SPRED3: variants seen among roughly 807,000 people sequenced by gnomAD.
SPRED3 encodes sprouty-related, EVH1 domain-containing protein 3.
In SPRED3, 23 loss-of-function variants were observed where a neutral mutation model predicts 37.6. The ratio of observed to expected loss-of-function variants is 0.61; its 90% CI spans 0.44 to 0.87. SPRED3 has a LOEUF of 0.87. SPRED3 is among the 40% of genes least tolerant of loss of function. SPRED3 has a pLI of 0.00. For synonymous variants in SPRED3, 302 were observed against 279.6 expected (o/e 1.08, Z -0.80); for missense variants, 584 against 618.6 (o/e 0.94, Z 0.59).
At position 38,391,457 on chromosome 19, in the gene SPRED3, G is replaced by T. The variant is rs187331452; in HGVS notation, c.178-489G>T. On this transcript the variant is annotated intron_variant, in intron 2 of 5. Coordinates refer to ENST00000691638, the MANE Select transcript of SPRED3 (RefSeq NM_001394336.1). The stretch of plus-strand genomic sequence containing the variant: ...GGAAGTATTGTTGAGCCAGAGGGGG[G>T]ATGTTGGGTTATCAGAAAGGGGTTA... Among the ~76,000 whole-genome samples the T allele has an allele frequency of 3.5e-3, 528 of 152,270 alleles. 2 individuals are homozygous for T. Among genetic ancestry groups the T allele is most frequent in the Middle Eastern group, 6.8e-3 (2 of 294 alleles).
In SPRED3 at chr19:38,398,033, G is replaced by A. The variant is rs1970918722; in HGVS notation, c.*1888G>A. On this transcript the variant is annotated 3_prime_UTR_variant, in exon 6 of 6. Transcript: ENST00000691638. The stretch of plus-strand genomic sequence containing the variant: ...AGCCCAGGGTTTCGAGGAGCTGGAA[G>A]TCACACCAGTCTGCTGGCCACACTG... The A allele has an allele frequency of 6.6e-6, 1 of 152,258 alleles. No homozygotes were observed. Among genetic ancestry groups the A allele is most frequent in the African/African-American group, 2.4e-5 (1 of 41,442 alleles). 9.4% of individuals were successfully genotyped at this position (152,258 alleles called of 1,614,324 possible).
intron 4 of SPRED3, chr19:38,394,209 CA>C (rs1242956319): frequency 1.5e-5 from 19 of 1,251,304 alleles, no homozygotes; most frequent in Non-Finnish European, 1.9e-5. Flanking sequence ...GCCCCAATAA[CA>C]GTGTGGGGCT....
At position 38,396,073 on chromosome 19, in the gene SPRED3, C is replaced by A; in HGVS notation, c.1161C>A (p.Arg387=). The change falls in exon 6 of 6, where the codon CGC becomes CGA. Residue 387 remains arginine, a synonymous_variant. Transcript: ENST00000691638. ...VPCLCCYAPL[R]ACHWVAARCG... ...GCCTCTGCTGCTACGCGCCCCTGCGCGCGTGCCACTGGGTCGCAGCGCGAT... is the reference window on the plus strand; with the variant it reads ...GCCTCTGCTGCTACGCGCCCCTGCGAGCGTGCCACTGGGTCGCAGCGCGAT... The A allele has an allele frequency of 7.4e-7, 1 of 1,346,564 alleles. No homozygotes were observed. Among genetic ancestry groups the A allele is most frequent in the Non-Finnish European group, 9.5e-7 (1 of 1,054,166 alleles). 83.4% of individuals were successfully genotyped at this position (1,346,564 alleles called of 1,614,324 possible). A position where few individuals can be genotyped will look rare whatever the true frequency, so the allele number is the denominator to read the frequency against.
At chr19:38,394,597 C>G in intron 4 of SPRED3, 46 bp from the exon 5 acceptor site, 5 of 1,560,546 alleles carry the variant, frequency 3.2e-6, no homozygotes, top group Non-Finnish European at 4.3e-6. Context: ...AGGGCATCGG[C>G]TGTGCGGGGG....
At chr19:38,390,179 T>G (rs1970809641) in intron 1 of SPRED3, 120 bp from the exon 2 acceptor site, 1 of 1,016,776 alleles carries the variant, frequency 9.8e-7, no homozygotes, top group East Asian at 3.1e-5. Flanking sequence ...TAGGGTGCAG[T>G]GGACCTGGAC....
Position 38,395,090 on chromosome 19 carries a change from A to T in SPRED3, c.567+304A>T, listed in dbSNP as rs574199790. Reference sequence around the variant, plus strand: ...TGTATATTTGGGGAACTCCTGGAAGAGGACTGTTAAATTCACGGGGAGGGT... The same window carrying T: ...TGTATATTTGGGGAACTCCTGGAAGTGGACTGTTAAATTCACGGGGAGGGT... On this transcript the variant is annotated intron_variant, in intron 5 of 5. Transcript: ENST00000691638. The surrounding 1 kb of genome is among the most constrained non-coding windows in gnomAD (Gnocchi z 5.2). Among the ~76,000 whole-genome samples the T allele has an allele frequency of 1.3e-5, 2 of 152,244 alleles. No individual in the cohort carries two copies. The highest frequency in any genetic ancestry group is 1.3e-4 in the Admixed American group (2 of 15,304).
chr19:38,393,658 T>A (rs1488848764), intron 4 of SPRED3, among the ~76,000 whole-genome samples: 1 of 152,172 alleles, frequency 6.6e-6, no homozygotes, highest in Non-Finnish European at 1.5e-5. Flanking sequence ...TTACGGTCTA[T>A]CTCCCATGCT....
At position 38,390,619 on chromosome 19, in the gene SPRED3, C is replaced by T. The variant is rs180672887; in HGVS notation, c.177+140C>T. The T allele has an allele frequency of 5.2e-5, 34 of 657,900 alleles. No individual in the cohort carries two copies. The African/African-American group carries it at 6.2e-4, about 12-fold the overall frequency. The allele number at this position is 657,900 out of a possible 1,614,324, so 40.8% of individuals were successfully genotyped here. A position where few individuals can be genotyped will look rare whatever the true frequency, so the allele number is the denominator to read the frequency against. On this transcript the variant is annotated intron_variant, in intron 2 of 5. Transcript: ENST00000691638. ...TGAAGTTTGGGAGTGAATATCTGTCCTGTAGATAAGAGTTGGGAATTGCAG... is the reference window on the plus strand; with the variant it reads ...TGAAGTTTGGGAGTGAATATCTGTCTTGTAGATAAGAGTTGGGAATTGCAG...
Position 38,388,777 on chromosome 19 carries a change from C to A in SPRED3, c.-35C>A. The A allele has an allele frequency of 2.5e-6, 1 of 398,212 alleles. No individual in the cohort carries two copies. 24.7% of individuals were successfully genotyped at this position (398,212 alleles called of 1,614,324 possible). A position where few individuals can be genotyped will look rare whatever the true frequency, so the allele number is the denominator to read the frequency against. The stretch of plus-strand genomic sequence containing the variant: ...AAGGAGGAGGAGGAGGCCGCGTCGC[C>A]GCCGCTCGGAGCCCGGCCGGAGCCT... On this transcript the variant is annotated 5_prime_UTR_variant, in exon 1 of 6. Transcript: ENST00000691638.
intron 4 of SPRED3, among the ~76,000 whole-genome samples, chr19:38,393,235 C>T (rs1662856174): frequency 6.6e-6 from 1 of 152,054 alleles, no homozygotes; most frequent in South Asian, 2.1e-4. Context: ...AGTATTTAAA[C>T]TTAAGTATTC....
chr19:38,391,142 C>A (rs946124786), intron 2 of SPRED3, among the ~76,000 whole-genome samples: 2 of 150,952 alleles, frequency 1.3e-5, no homozygotes, highest in Non-Finnish European at 2.9e-5. Context: ...TTTGAGGGAA[C>A]ATCAATAGGG....
chr19:38,392,412 C>T (rs780478562), intron 4 of SPRED3, 124 bp downstream of exon 4: 135 of 1,122,590 alleles, frequency 1.2e-4, no homozygotes, highest in Admixed American at 7.1e-4. Context: ...AAAATTGGGC[C>T]GGAACTATGA....
intron 4 of SPRED3, 67 bp downstream of exon 4, chr19:38,392,355 T>C: frequency 7.0e-7 from 1 of 1,437,474 alleles, no homozygotes; most frequent in Non-Finnish European, 9.2e-7. Flanking sequence ...ATGAACATTC[T>C]TGAGCACCTA....
At chr19:38,391,344 G>A (rs577341065) in intron 2 of SPRED3, among the ~76,000 whole-genome samples, 22 of 146,666 alleles carry the variant, frequency 1.5e-4, no homozygotes, top group Non-Finnish European at 3.0e-4. Flanking sequence ...AAAAAAAAGA[G>A]AGAGAGAATA....
chr19:38,388,995 T>G (rs1214298167), intron 1 of SPRED3, among the ~76,000 whole-genome samples, 188 bp downstream of exon 1: 1 of 152,084 alleles, frequency 6.6e-6, no homozygotes, highest in Non-Finnish European at 1.5e-5. Flanking sequence ...ATTTGTGGGG[T>G]CTGGACTTTC....
At chr19:38,389,350 G>C (rs992795417) in intron 1 of SPRED3, among the ~76,000 whole-genome samples, 10 of 152,174 alleles carry the variant, frequency 6.6e-5, no homozygotes, top group Non-Finnish European at 1.0e-4. Context: ...GCTAGAGCTC[G>C]TCCGGGTCCC....
At chr19:38,391,791 G>GT (rs1970835699) in intron 2 of SPRED3, among the ~76,000 whole-genome samples, 155 bp from the exon 3 acceptor site, 1 of 152,084 alleles carries the variant, frequency 6.6e-6, no homozygotes, top group African/African-American at 2.4e-5. Flanking sequence ...CTGGGGAGTC[G>GT]TATCAGTGTT....
In SPRED3 at chr19:38,395,410, C is replaced by T. The variant is rs560133485; in HGVS notation, c.568-70C>T. ...AATCTGAATCCCAGACCCAAGAGTGCGCTAGGGAACTGGATCCTTGAGGCT... is the reference window on the plus strand; with the variant it reads ...AATCTGAATCCCAGACCCAAGAGTGTGCTAGGGAACTGGATCCTTGAGGCT... On this transcript the variant is annotated intron_variant, in intron 5 of 5. Transcript: ENST00000691638. The surrounding 1 kb of genome is among the most constrained non-coding windows in gnomAD (Gnocchi z 5.2). The T allele has an allele frequency of 7.5e-6, 10 of 1,332,056 alleles. No homozygotes were observed. In the East Asian group the frequency reaches 2.8e-4, roughly 37 times the overall value. The allele number at this position is 1,332,056 out of a possible 1,614,324, so 82.5% of individuals were successfully genotyped here. A position where few individuals can be genotyped will look rare whatever the true frequency, so the allele number is the denominator to read the frequency against.
Position 38,395,929 on chromosome 19 carries a change from C to T in SPRED3, c.1017C>T (p.Leu339=), listed in dbSNP as rs897664837. The change falls in exon 6 of 6, where the codon CTC becomes CTT. Residue 339 remains leucine (L), a synonymous_variant. Coordinates refer to ENST00000691638, the MANE Select transcript of SPRED3 (RefSeq NM_001394336.1). The surrounding 1 kb of genome is among the most constrained non-coding windows in gnomAD (Gnocchi z 5.2). ...GCCTGTGGTGCGCCGAGAGCTTGCTCTACCACTGCCTGTCGGACGCCGAGG... is the reference window on the plus strand; with the variant it reads ...GCCTGTGGTGCGCCGAGAGCTTGCTTTACCACTGCCTGTCGGACGCCGAGG... The part of the protein sequence containing the change: ...LSCLWCAESL[L]YHCLSDAEGD... The T allele has an allele frequency of 2.0e-6, 3 of 1,507,538 alleles. No homozygotes were observed. The South Asian group carries it at 3.7e-5, about 19-fold the overall frequency. The allele number at this position is 1,507,538 out of a possible 1,614,324, so 93.4% of individuals were successfully genotyped here.
Sources: allele counts gnomAD v4.1 joint callset (sites outside exome capture counted in the v4.1 genomes callset), GRCh38; gene constraint gnomAD v4.1.1; non-coding constraint Gnocchi (gnomAD v3.1); transcripts MANE v1.5; gene names NCBI Gene and HGNC (gene_info 2026-07-23, HGNC 2026-07-21).